CAMTA1: variants seen among roughly 807,000 people sequenced by gnomAD.
CAMTA1 encodes the protein calmodulin-binding transcription activator 1.
In CAMTA1, 27 loss-of-function variants were observed where a neutral mutation model predicts 170.9. The observed-to-expected ratio is 0.16, with a 90% CI of 0.12 to 0.22. The LOEUF is 0.22. Ranked by LOEUF, CAMTA1 falls within the 10% of genes least tolerant of loss-of-function variation. The pLI is 1.00. For missense variants in CAMTA1, 1,619 were observed against 2,217.2 expected, an observed-to-expected ratio of 0.73 and a Z score of 5.42; for synonymous variants, 833 against 891.5, an observed-to-expected ratio of 0.93 and a Z score of 1.17.
chr1:7,548,166 C>T (rs1190786956), intron 6 of CAMTA1, among the ~76,000 whole-genome samples: 4 of 152,214 alleles, frequency 2.6e-5, no homozygotes, highest in African/African-American at 9.7e-5. Context: ...TTAACCAGGT[C>T]ACTGGTCATG....
At chr1:7,319,786 C>T (rs1341116140) in intron 5 of CAMTA1, among the ~76,000 whole-genome samples, 2 of 152,194 alleles carry the variant, frequency 1.3e-5, no homozygotes, top group Non-Finnish European at 2.9e-5. Flanking sequence ...GAGCTTAAAA[C>T]AAAGCGTAAA....
chr1:7,125,601 T>C (rs1205257565), intron 4 of CAMTA1, among the ~76,000 whole-genome samples: 1 of 151,590 alleles, frequency 6.6e-6, no homozygotes, highest in African/African-American at 2.4e-5. Context: ...CACCAGCCAG[T>C]GGGAAGGTGG....
At chr1:6,966,977 C>A (rs1218067543) in intron 3 of CAMTA1, among the ~76,000 whole-genome samples, 2 of 151,402 alleles carry the variant, frequency 1.3e-5, no homozygotes, top group South Asian at 4.2e-4. Flanking sequence ...CACGGTGGCT[C>A]ACGCCTGTAA....
intron 3 of CAMTA1, chr1:6,888,154 G>T: frequency 1.0e-6 from 1 of 983,860 alleles, no homozygotes; most frequent in South Asian, 4.1e-5. Context: ...TCAGTGCATA[G>T]GACAGTGCTG....
At chr1:7,194,461 T>C (rs6659347) in intron 4 of CAMTA1, among the ~76,000 whole-genome samples, 13,488 of 152,244 alleles carry the variant, frequency 0.089, 1,809 homozygotes, top group African/African-American at 0.29. Flanking sequence ...TTTAAATCAT[T>C]GAACGAGGTC....
intron 4 of CAMTA1, among the ~76,000 whole-genome samples, chr1:7,238,944 G>A (rs145984472): frequency 9.8e-5 from 15 of 152,340 alleles, no homozygotes; most frequent in Admixed American, 4.6e-4. Flanking sequence ...GTGGGGTGCC[G>A]TGGGTGCCAC....
At chr1:7,465,958 G>A (rs192639030) in intron 5 of CAMTA1, among the ~76,000 whole-genome samples, 75 of 152,318 alleles carry the variant, frequency 4.9e-4, no homozygotes, top group African/African-American at 1.8e-3. Context: ...ATAGAGTGGG[G>A]AAACAGCAGA....
chr1:7,591,760 G>A (rs866890920), intron 6 of CAMTA1, among the ~76,000 whole-genome samples: 9 of 152,190 alleles, frequency 5.9e-5, no homozygotes, highest in Non-Finnish European at 1.2e-4. Context: ...ATGGTCCACC[G>A]TGCTCAGGCC....
At chr1:7,707,297 T>G (rs1236250679) in intron 11 of CAMTA1, among the ~76,000 whole-genome samples, 2 of 152,198 alleles carry the variant, frequency 1.3e-5, no homozygotes, top group Non-Finnish European at 2.9e-5. Context: ...GAATAACAAG[T>G]GGAACTGAGT....
intron 5 of CAMTA1, among the ~76,000 whole-genome samples, chr1:7,265,015 G>C (rs1194527143): frequency 1.3e-5 from 2 of 152,236 alleles, no homozygotes; most frequent in African/African-American, 4.8e-5. Flanking sequence ...AGGGCCTGCA[G>C]GGGTGGGGAG....
chr1:7,406,858 C>G (rs2090334646), intron 5 of CAMTA1, among the ~76,000 whole-genome samples: 1 of 152,168 alleles, frequency 6.6e-6, no homozygotes, highest in Non-Finnish European at 1.5e-5. Context: ...AAAAACCTCA[C>G]CTGAGTTTCT....
intron 5 of CAMTA1, among the ~76,000 whole-genome samples, chr1:7,398,189 CTCTCTATATATATATATATATATATATAT>C (rs2089553914): frequency 3.1e-5 from 1 of 32,316 alleles, no homozygotes; most frequent in African/African-American, 1.4e-4. Flanking sequence ...CTCTCTCTCT[CTCTCTATATATATATATATATATATATAT>C]ATATATATAT....
intron 6 of CAMTA1, among the ~76,000 whole-genome samples, chr1:7,504,838 G>A (rs548236028): frequency 2.6e-5 from 4 of 152,388 alleles, no homozygotes; most frequent in Admixed American, 2.6e-4. Flanking sequence ...CAGTGACACA[G>A]CTGGCCTTTC....
chr1:7,165,723 C>T (rs761582760), intron 4 of CAMTA1, among the ~76,000 whole-genome samples: 24 of 152,162 alleles, frequency 1.6e-4, no homozygotes, highest in Non-Finnish European at 3.4e-4. Flanking sequence ...TGAGCCACCA[C>T]GCCTGGCCAC....
At position 6,889,760 on chromosome 1, in the gene CAMTA1, G is replaced by A. The variant is rs1328131397; in HGVS notation, c.234+64550G>A. 3.9e-5 allele frequency among the ~76,000 whole-genome samples: 6 copies of A among 152,210 alleles called. No homozygotes were observed. The East Asian group carries it at 1.2e-3, about 29-fold the overall frequency. ...AGATGCTGGGATGGGTTATCCATACGACAACCCCTGTGACCAGAGATGCAG... is the reference window on the plus strand; with the variant it reads ...AGATGCTGGGATGGGTTATCCATACAACAACCCCTGTGACCAGAGATGCAG... On this transcript the variant is annotated intron_variant, in intron 3 of 22. Coordinates refer to ENST00000303635, the MANE Select transcript of CAMTA1 (RefSeq NM_015215.4).
At chr1:6,872,060 A>T in intron 3 of CAMTA1, 1 of 883,694 alleles carries the variant, frequency 1.1e-6, no homozygotes. Flanking sequence ...TTTAAGTTTA[A>T]TGAGTGCATT....
chr1:7,555,171 T>C (rs1402287808), intron 6 of CAMTA1, among the ~76,000 whole-genome samples: 5 of 152,122 alleles, frequency 3.3e-5, no homozygotes, highest in African/African-American at 1.2e-4. Context: ...CCTGTGGCTT[T>C]GGAAATCTAT....
At chr1:7,506,563 C>T (rs1021051997) in intron 6 of CAMTA1, among the ~76,000 whole-genome samples, 3 of 152,130 alleles carry the variant, frequency 2.0e-5, no homozygotes, top group African/African-American at 4.8e-5. Context: ...CTCACAAGCT[C>T]ACTCAAAATT....
chr1:6,954,932 G>A (rs1689176324), intron 3 of CAMTA1, among the ~76,000 whole-genome samples: 1 of 152,110 alleles, frequency 6.6e-6, no homozygotes, highest in Non-Finnish European at 1.5e-5. Context: ...CTCAGCATGT[G>A]CCTGTTTTCC....
Sources: gnomAD v4.1 joint callset for allele counts (sites outside exome capture counted in the v4.1 genomes callset) on GRCh38, gnomAD v4.1.1 for gene constraint, MANE v1.5 for transcripts, NCBI Gene and HGNC (gene_info 2026-07-23, HGNC 2026-07-21) for gene names.